The following ANKFN1 variants were observed in gnomAD, a reference collection of about 807,000 sequenced individuals.
The protein encoded by ANKFN1 is ankyrin repeat and fibronectin type III domain containing 1.
In ANKFN1, 74 loss-of-function variants were observed where a neutral mutation model predicts 108.7. That is an observed-to-expected ratio of 0.68 (90% CI 0.56 to 0.83). ANKFN1 has a LOEUF of 0.83. Among genes scored for constraint, ANKFN1 ranks in the 40% least tolerant of loss-of-function variants. The probability of loss-of-function intolerance (pLI) is 0.00; values close to 1 mark genes in which losing one functional copy is unlikely to be tolerated. For missense variants in ANKFN1, 1,505 were observed against 1,382.3 expected (o/e 1.09, Z -1.41); for synonymous variants, 547 against 516.2 (o/e 1.06, Z -0.81).
intron 1 of ANKFN1, among the ~76,000 whole-genome samples, chr17:56,201,892 A>T (rs966586253): frequency 6.6e-6 from 1 of 152,190 alleles, no homozygotes; most frequent in Non-Finnish European, 1.5e-5. Context: ...GAAAACTACC[A>T]CTACCCCTGC....
intron 18 of ANKFN1, among the ~76,000 whole-genome samples, chr17:56,487,231 T>A (rs1319396535): frequency 6.6e-6 from 1 of 152,154 alleles, no homozygotes; most frequent in Non-Finnish European, 1.5e-5. Context: ...CACTCTACCA[T>A]CCTTTGGGTG....
intron 3 of ANKFN1, among the ~76,000 whole-genome samples, chr17:56,241,183 A>G (rs574185008): frequency 6.6e-6 from 1 of 152,224 alleles, no homozygotes; most frequent in South Asian, 2.1e-4. Context: ...CTGAGGCAGG[A>G]GGATCACTTG....
At chr17:56,349,343 A>G (rs2046188097) in intron 4 of ANKFN1, among the ~76,000 whole-genome samples, 1 of 151,990 alleles carries the variant, frequency 6.6e-6, no homozygotes, top group African/African-American at 2.4e-5. Context: ...ACATTTACCT[A>G]TGTAACAAAC....
intron 14 of ANKFN1, among the ~76,000 whole-genome samples, chr17:56,458,757 G>T (rs562929918): frequency 5.3e-5 from 8 of 152,100 alleles, no homozygotes; most frequent in East Asian, 1.9e-4. Flanking sequence ...TCAGTAACGG[G>T]TATCTACCTA....
intron 4 of ANKFN1, among the ~76,000 whole-genome samples, chr17:56,066,804 C>T (rs1472543116): frequency 1.3e-5 from 2 of 152,186 alleles, no homozygotes; most frequent in African/African-American, 2.4e-5. Flanking sequence ...CTACATGCCT[C>T]ATATGAGTGG....
intron 8 of ANKFN1, among the ~76,000 whole-genome samples, chr17:56,438,072 C>T (rs143172955): frequency 6.8e-6 from 1 of 147,924 alleles, no homozygotes; most frequent in Admixed American, 6.8e-5. Context: ...AAGCACAGAC[C>T]CACACTAGAA....
chr17:56,482,002 C>T (rs187143893), intron 17 of ANKFN1, among the ~76,000 whole-genome samples: 38 of 151,978 alleles, frequency 2.5e-4, no homozygotes, highest in Non-Finnish European at 4.0e-4. Context: ...CCAGAAACTA[C>T]GTTTTTCCCC....
chr17:56,179,547 G>A (rs748077211), intron 1 of ANKFN1, among the ~76,000 whole-genome samples: 31 of 152,210 alleles, frequency 2.0e-4, no homozygotes, highest in Non-Finnish European at 3.4e-4. Flanking sequence ...AGCAGAATGA[G>A]CTTTGGCTTT....
intron 4 of ANKFN1, among the ~76,000 whole-genome samples, chr17:56,339,938 C>T (rs2045917705): frequency 6.6e-6 from 1 of 152,112 alleles, no homozygotes; most frequent in Admixed American, 6.6e-5. Flanking sequence ...ATAAGTGTTC[C>T]TTTTCCTCCA....
intron 3 of ANKFN1, chr17:56,245,678 C>T (rs1917906556): frequency 6.6e-6 from 1 of 152,080 alleles, no homozygotes; most frequent in East Asian, 1.9e-4. Flanking sequence ...CATTCTAGTC[C>T]TCTTTAATTA....
At chr17:56,159,033 C>CAAAAAAAAA (rs57878541) in intron 1 of ANKFN1, among the ~76,000 whole-genome samples, 15 of 70,962 alleles carry the variant, frequency 2.1e-4, no homozygotes, top group Admixed American at 5.9e-4. Flanking sequence ...TGGTCTAGGC[C>CAAAAAAAAA]AAAAAAAAAA....
intron 6 of ANKFN1, among the ~76,000 whole-genome samples, chr17:56,363,376 A>G (rs2093504029): frequency 6.6e-6 from 1 of 152,216 alleles, no homozygotes; most frequent in Non-Finnish European, 1.5e-5. Context: ...GAAATGAGAT[A>G]TCATCTAACA....
At chr17:56,085,639 C>A (rs1905302560) in intron 4 of ANKFN1, among the ~76,000 whole-genome samples, 1 of 151,372 alleles carries the variant, frequency 6.6e-6, no homozygotes, top group Non-Finnish European at 1.5e-5. Flanking sequence ...CACCAACTGG[C>A]AACTGACTTC....
At chr17:56,243,500 G>A (rs1156879166) in intron 3 of ANKFN1, among the ~76,000 whole-genome samples, 2 of 152,104 alleles carry the variant, frequency 1.3e-5, no homozygotes, top group African/African-American at 4.8e-5. Flanking sequence ...AACTTTTTCT[G>A]CCTCCTTTGA....
Position 56,512,069 on chromosome 17 carries a change from G to C in ANKFN1, c.*800G>C, listed in dbSNP as rs142841005. On this transcript the variant is annotated 3_prime_UTR_variant, in exon 21 of 21. Transcript: ENST00000682825. Reference sequence around the variant, plus strand: ...TTACAGGGGTCAAGGAGATGGCTAAGCAAAGTGAAAGCCTGAATTACAGAT... The same window carrying C: ...TTACAGGGGTCAAGGAGATGGCTAACCAAAGTGAAAGCCTGAATTACAGAT... Among the ~76,000 whole-genome samples the C allele has an allele frequency of 2.0e-3, 312 of 152,314 alleles. 1 individual carries two copies. The highest frequency in any genetic ancestry group is 0.017 in the East Asian group (87 of 5,184).
At chr17:56,174,471 G>A in intron 1 of ANKFN1, 1 of 950,858 alleles carries the variant, frequency 1.1e-6, no homozygotes, top group Non-Finnish European at 1.3e-6. Context: ...GCTAGACCTG[G>A]TGCAATTACT....
At position 56,489,565 on chromosome 17, in the gene ANKFN1, C is replaced by G. The variant is rs539522580; in HGVS notation, c.2261-2622C>G. ...GACAGTGTGGGTGCTGTGAGACCACCCACTGATCCAGGCTCCCACCACAGG... is the reference window on the plus strand; with the variant it reads ...GACAGTGTGGGTGCTGTGAGACCACGCACTGATCCAGGCTCCCACCACAGG... On this transcript the variant is annotated intron_variant, in intron 18 of 20. Transcript: ENST00000682825. Among the ~76,000 whole-genome samples, 4 of 152,010 alleles carry G rather than the reference C, an allele frequency of 2.6e-5. No individual in the cohort carries two copies. The East Asian group carries it at 7.7e-4, about 29-fold the overall frequency.
intron 15 of ANKFN1, among the ~76,000 whole-genome samples, chr17:56,475,923 A>C (rs529793032): frequency 6.6e-6 from 1 of 152,314 alleles, no homozygotes; most frequent in South Asian, 2.1e-4. Context: ...GTTTAATTGA[A>C]TCACAGCTCT....
chr17:56,399,256 C>A (rs956869995), intron 8 of ANKFN1, among the ~76,000 whole-genome samples: 1 of 151,834 alleles, frequency 6.6e-6, no homozygotes, highest in African/African-American at 2.4e-5. Context: ...AATAAAATTT[C>A]TAGAATAAAA....
Sources: gnomAD v4.1 joint callset for allele counts (sites outside exome capture counted in the v4.1 genomes callset) on GRCh38, gnomAD v4.1.1 for gene constraint, MANE v1.5 for transcripts, NCBI Gene and HGNC (gene_info 2026-07-23, HGNC 2026-07-21) for gene names.